The following SLC2A1 variants were observed in gnomAD, a reference collection of about 807,000 sequenced individuals.
SLC2A1 encodes the protein solute carrier family 2 member 1.
In SLC2A1, 4 loss-of-function variants were observed where a neutral mutation model predicts 46.6. That is an observed-to-expected ratio of 0.09 (90% CI 0.04 to 0.20). The LOEUF is 0.20. SLC2A1 is among the 10% of genes least tolerant of loss of function. SLC2A1 has a pLI of 1.00. For missense variants in SLC2A1, 352 were observed against 667.0 expected, an observed-to-expected ratio of 0.53 and a Z score of 5.20; for synonymous variants, 253 against 270.0, an observed-to-expected ratio of 0.94 and a Z score of 0.62.
chr1:42,953,929 C>A (rs1462507504), intron 1 of SLC2A1, among the ~76,000 whole-genome samples: 1 of 152,198 alleles, frequency 6.6e-6, no homozygotes, highest in Non-Finnish European at 1.5e-5. Flanking sequence ...ATAGCCACTT[C>A]TCTAATTTAG....
At chr1:42,928,259 G>A (rs566183189) in intron 8 of SLC2A1, among the ~76,000 whole-genome samples, 1 of 152,314 alleles carries the variant, frequency 6.6e-6, no homozygotes, top group East Asian at 1.9e-4. Context: ...AAATTTATGG[G>A]CTTTCCACTT....
At chr1:42,956,011 T>C (rs184092781) in intron 1 of SLC2A1, among the ~76,000 whole-genome samples, 1 of 152,094 alleles carries the variant, frequency 6.6e-6, no homozygotes, top group African/African-American at 2.4e-5. Context: ...TTTCAGATCT[T>C]GTGTGAAAGG....
intron 1 of SLC2A1, among the ~76,000 whole-genome samples, chr1:42,947,581 C>CAAAAAAAAAAAAAAAAAAAAAAAAAA (rs144784155): frequency 1.8e-5 from 1 of 55,830 alleles, no homozygotes; most frequent in Non-Finnish European, 3.1e-5. Flanking sequence ...CACACACACA[C>CAAAAAAAAAAAAAAAAAAAAAAAAAA]AAAAAAAAAA....
chr1:42,933,662 T>C lies in SLC2A1; in HGVS notation c.115-2456A>G, dbSNP rs75082681. Among the ~76,000 whole-genome samples, 1,033 of 152,204 alleles carry C rather than the reference T, an allele frequency of 6.8e-3. 3 individuals carry two copies. Among genetic ancestry groups the C allele is most frequent in the Middle Eastern group, 0.014 (4 of 294 alleles). On this transcript the variant is annotated intron_variant, in intron 2 of 9. Transcript: ENST00000426263. ...GAGGAGGACTGGTTGGGAACGGTAA[T>C]GCCCCGTTTATCAGGCTCCACCAAG... is the stretch of plus-strand genomic sequence containing the variant.
intron 1 of SLC2A1, among the ~76,000 whole-genome samples, chr1:42,948,075 G>C (rs972481561): frequency 1.3e-5 from 2 of 152,082 alleles, no homozygotes; most frequent in Admixed American, 1.3e-4. Context: ...ACTGGGCTCA[G>C]GGTCCAGCAC....
chr1:42,939,556 ATTC>A (rs1643575538), intron 2 of SLC2A1, among the ~76,000 whole-genome samples: 1 of 152,164 alleles, frequency 6.6e-6, no homozygotes, highest in Non-Finnish European at 1.5e-5. Flanking sequence ...TTCTGCCCAT[ATTC>A]CATGACAGTT....
Position 42,926,617 on chromosome 1 carries a change from A to G in SLC2A1, c.*424T>C. On this transcript the variant is annotated 3_prime_UTR_variant, in exon 10 of 10. Coordinates refer to ENST00000426263, the MANE Select transcript of SLC2A1 (RefSeq NM_006516.4). ...CCACCTCCTGGGATAGAAGCTTTGT[A>G]GTTCATAGTTCGATTAGTGTGTCCT... The G allele has an allele frequency of 5.8e-6, 5 of 859,166 alleles. No individual in the cohort carries two copies. The highest frequency in any genetic ancestry group is 1.5e-5 in the South Asian group (1 of 68,734). 53.2% of individuals were successfully genotyped at this position (859,166 alleles called of 1,614,324 possible).
At chr1:42,934,134 G>A (rs1370529872) in intron 2 of SLC2A1, among the ~76,000 whole-genome samples, 1 of 152,164 alleles carries the variant, frequency 6.6e-6, no homozygotes, top group Non-Finnish European at 1.5e-5. Context: ...GAGATGTTGG[G>A]GCAACTGACA....
chr1:42,941,467 CT>C (rs1224341182), intron 2 of SLC2A1, among the ~76,000 whole-genome samples: 2 of 152,226 alleles, frequency 1.3e-5, no homozygotes, highest in African/African-American at 4.8e-5. Context: ...TGAAGGCCCC[CT>C]GCTCACCCCA....
At chr1:42,936,598 C>A (rs1643544726) in intron 2 of SLC2A1, among the ~76,000 whole-genome samples, 1 of 152,110 alleles carries the variant, frequency 6.6e-6, no homozygotes, top group Non-Finnish European at 1.5e-5. Context: ...GCTGGACCAC[C>A]CAGGCTGCTT....
At position 42,941,975 on chromosome 1, in the gene SLC2A1, G is replaced by A. The variant is rs1201987713; in HGVS notation, c.114+1251C>T. The stretch of plus-strand genomic sequence containing the variant: ...GGTGACTTGCTCCTCAGCATCGGGC[G>A]TGGCCCCATAGCCACTGTCTGCCTA... On this transcript the variant is annotated intron_variant, in intron 2 of 9. Coordinates refer to ENST00000426263, the MANE Select transcript of SLC2A1 (RefSeq NM_006516.4). Among the ~76,000 whole-genome samples, 6 of 152,248 alleles carry A rather than the reference G, an allele frequency of 3.9e-5. No individual in the cohort carries two copies. In the East Asian group the frequency reaches 7.7e-4, roughly 20 times the overall value.
chr1:42,937,165 G>A (rs913749744), intron 2 of SLC2A1, among the ~76,000 whole-genome samples: 1 of 152,154 alleles, frequency 6.6e-6, no homozygotes, highest in Non-Finnish European at 1.5e-5. Context: ...TTCCATCATC[G>A]CCTTTAGAAG....
intron 2 of SLC2A1, 59 bp from the exon 3 acceptor site, chr1:42,931,265 T>A (rs1002141267): frequency 1.5e-5 from 24 of 1,568,068 alleles, no homozygotes; most frequent in Middle Eastern, 1.7e-4. Flanking sequence ...AGTCTTCCTT[T>A]TCCTTTCCCC....
intron 2 of SLC2A1, among the ~76,000 whole-genome samples, chr1:42,936,021 G>A (rs1196261725): frequency 6.6e-6 from 1 of 152,168 alleles, no homozygotes; most frequent in Non-Finnish European, 1.5e-5. Context: ...CTGGCTGGAT[G>A]TGGCCCTCCT....
intron 1 of SLC2A1, among the ~76,000 whole-genome samples, chr1:42,948,497 G>T (rs1403480185): frequency 6.6e-6 from 1 of 152,166 alleles, no homozygotes; most frequent in African/African-American, 2.4e-5. Context: ...AGGGAAGCAG[G>T]GGACGCAGGG....
At chr1:42,942,506 A>G (rs1341405062) in intron 2 of SLC2A1, among the ~76,000 whole-genome samples, 1 of 149,566 alleles carries the variant, frequency 6.7e-6, no homozygotes, top group Non-Finnish European at 1.5e-5. Context: ...TCAAGTAAAC[A>G]AGTGAGGACA....
At chr1:42,943,185 G>A (rs1459556715) in intron 2 of SLC2A1, 41 bp downstream of exon 2, 1 of 1,313,876 alleles carries the variant, frequency 7.6e-7, no homozygotes, top group Middle Eastern at 1.8e-4. Context: ...GTGCAACAGA[G>A]CAGGCTGGTG....
Position 42,933,897 on chromosome 1 carries a change from G to T in SLC2A1, c.115-2691C>A, listed in dbSNP as rs3754218. Among the ~76,000 whole-genome samples, 129 of 152,280 alleles carry T rather than the reference G, an allele frequency of 8.5e-4. 2 individuals are homozygous for T. The East Asian group carries it at 0.022, about 26-fold the overall frequency. On this transcript the variant is annotated intron_variant, in intron 2 of 9. Transcript: ENST00000426263. Reference sequence around the variant, plus strand: ...TCTCCAGGGGCAAGGAGAGGTGTTTGTCCCTGTGCAGACTGGCTCCTGATG... The same window carrying T: ...TCTCCAGGGGCAAGGAGAGGTGTTTTTCCCTGTGCAGACTGGCTCCTGATG...
In SLC2A1 at chr1:42,927,284, C is replaced by T; in HGVS notation, c.1279-43G>A. ...ACACTTGGTTGGAGTCATGACCCTACATCCTGGCTGTAGGACTTTGGATAA... is the reference window on the plus strand; with the variant it reads ...ACACTTGGTTGGAGTCATGACCCTATATCCTGGCTGTAGGACTTTGGATAA... On this transcript the variant is annotated intron_variant, in intron 9 of 9. Transcript: ENST00000426263. This position sits in a 1 kb window ranked among gnomAD's most constrained non-coding sequence, Gnocchi z 5.3. 24 of 1,582,214 alleles carry T rather than the reference C, an allele frequency of 1.5e-5. No individual in the cohort carries two copies. Among genetic ancestry groups the T allele is most frequent in the South Asian group, 2.2e-5 (2 of 90,190 alleles).
Sources: gnomAD v4.1 joint callset for allele counts (sites outside exome capture counted in the v4.1 genomes callset) on GRCh38, gnomAD v4.1.1 for gene constraint, Gnocchi (gnomAD v3.1) non-coding constraint, MANE v1.5 for transcripts, NCBI Gene and HGNC (gene_info 2026-07-23, HGNC 2026-07-21) for gene names.